Variants in SERPINE2 observed in about 807,000 individuals in gnomAD.
SERPINE2 encodes glia-derived nexin.
Under a neutral mutation model 36.3 loss-of-function variants are expected in SERPINE2, and 14 were observed. The ratio of observed to expected loss-of-function variants is 0.39; its 90% confidence interval spans 0.25 to 0.60. The LOEUF (loss-of-function observed/expected upper bound fraction) is 0.60, where lower values mean the gene tolerates loss of function less well. SERPINE2 is among the 20% of genes least tolerant of loss of function. The pLI is 0.57. For synonymous variants in SERPINE2, 192 were observed against 191.8 expected (o/e 1.00, Z -0.01); for missense variants, 418 against 499.6 (o/e 0.84, Z 1.56).
In SERPINE2 at chr2:223,975,673, C is replaced by T; in HGVS notation, c.*194G>A. ...CTATTCATTCCTCAGTACAGTGTTC[C>T]AGCCATCCTGCTTGTTTTTTCCCTC... On this transcript the variant is annotated 3_prime_UTR_variant, in exon 9 of 9. Coordinates refer to ENST00000409304, the MANE Select transcript of SERPINE2 (RefSeq NM_001136528.2). 1 of 491,858 alleles carries T rather than the reference C, an allele frequency of 2.0e-6. No homozygotes were observed. Among genetic ancestry groups the T allele is most frequent in the East Asian group, 2.9e-5 (1 of 34,696 alleles). 30.5% of individuals were successfully genotyped at this position (491,858 alleles called of 1,614,324 possible).
At chr2:223,981,739 A>G (rs765901381) in intron 6 of SERPINE2, 9 of 152,244 alleles carry the variant, frequency 5.9e-5, no homozygotes, top group Non-Finnish European at 8.8e-5. Flanking sequence ...CTGACCATTC[A>G]AACATAACTC....
At chr2:224,030,810 G>C in intron 1 of SERPINE2, 1 of 254,872 alleles carries the variant, frequency 3.9e-6, no homozygotes, top group Non-Finnish European at 6.2e-6. Context: ...ATTCTGCTGA[G>C]TTTTATCCAG....
At chr2:224,006,004 C>T (rs6436454) in intron 1 of SERPINE2, among the ~76,000 whole-genome samples, 102,910 of 151,674 alleles carry the variant, frequency 0.68, 35,409 homozygotes, top group Non-Finnish European at 0.74. Flanking sequence ...TATGAAATAG[C>T]TGGGTACTGC....
At chr2:223,981,692 G>A (rs1419519864) in intron 6 of SERPINE2, 1 of 152,170 alleles carries the variant, frequency 6.6e-6, no homozygotes, top group African/African-American at 2.4e-5. Context: ...CTTTTCCTTG[G>A]AAAGATTGCT....
rs1344744199 is a variant in SERPINE2 at position 223,984,901 on chromosome 2, G to A, written c.735C>T (p.Pro245=). ...GCATGCTGATGCTTTCCCCGTGGTA[G>A]GGCAGTTCAATGAAGTTGTACCATA... The part of the protein sequence containing the change: ...NDLWYNFIEL[P]YHGESISMLI... Residue 245 remains proline (P), a synonymous_variant, in exon 5 of 9, where the codon CCC becomes CCT. Coordinates refer to ENST00000409304, the MANE Select transcript of SERPINE2 (RefSeq NM_001136528.2). The A allele has an allele frequency of 3.7e-6, 6 of 1,614,050 alleles. No homozygotes were observed. The highest frequency in any genetic ancestry group is 2.7e-5 in the African/African-American group (2 of 74,920).
At chr2:224,016,730 G>A (rs1691811985) in intron 1 of SERPINE2, among the ~76,000 whole-genome samples, 1 of 152,138 alleles carries the variant, frequency 6.6e-6, no homozygotes, top group African/African-American at 2.4e-5. Flanking sequence ...CATCCCAGAT[G>A]TTCTTCAGTA....
At chr2:224,017,582 C>G (rs1691842812) in intron 1 of SERPINE2, among the ~76,000 whole-genome samples, 2 of 152,042 alleles carry the variant, frequency 1.3e-5, no homozygotes, top group South Asian at 4.1e-4. Flanking sequence ...ATACATGGCC[C>G]CTGCAGGTTC....
chr2:223,980,272 C>T (rs1385364454), intron 7 of SERPINE2, 39 bp downstream of exon 7: 1 of 1,520,554 alleles, frequency 6.6e-7, no homozygotes, highest in Non-Finnish European at 9.1e-7. Flanking sequence ...TGTTTGCTCC[C>T]CTGCTAGAGG....
intron 2 of SERPINE2, among the ~76,000 whole-genome samples, chr2:223,999,148 A>T (rs569743058): frequency 6.6e-6 from 1 of 152,344 alleles, no homozygotes; most frequent in Admixed American, 6.5e-5. Flanking sequence ...AGACTATAAA[A>T]AATTACCATG....
chr2:224,020,652 C>G (rs1483597959), intron 1 of SERPINE2, among the ~76,000 whole-genome samples: 3 of 152,188 alleles, frequency 2.0e-5, no homozygotes, highest in African/African-American at 7.2e-5. Flanking sequence ...CCCCACGAGT[C>G]ATTTAAATAA....
intron 1 of SERPINE2, among the ~76,000 whole-genome samples, chr2:224,027,340 A>C (rs77723049): frequency 0.03 from 4,501 of 152,222 alleles, 181 homozygotes; most frequent in African/African-American, 0.088. Flanking sequence ...TTCCTGGCCC[A>C]TGGCTCGCAT....
intron 1 of SERPINE2, among the ~76,000 whole-genome samples, chr2:224,028,293 T>C (rs1692250343): frequency 6.6e-6 from 1 of 152,226 alleles, no homozygotes; most frequent in Non-Finnish European, 1.5e-5. Context: ...CTGTGATCTT[T>C]CTCTGCAAGG....
intron 4 of SERPINE2, among the ~76,000 whole-genome samples, chr2:223,990,247 G>A (rs908696684): frequency 6.6e-6 from 1 of 152,166 alleles, no homozygotes; most frequent in Non-Finnish European, 1.5e-5. Flanking sequence ...CGGGGAAAGT[G>A]GAGGGAAGAT....
At chr2:224,002,450 C>T (rs1691218110) in intron 1 of SERPINE2, among the ~76,000 whole-genome samples, 1 of 151,948 alleles carries the variant, frequency 6.6e-6, no homozygotes, top group Non-Finnish European at 1.5e-5. Context: ...TACAATGTGC[C>T]AGGTCCTATA....
chr2:224,011,449 G>A (rs560986184), intron 1 of SERPINE2, among the ~76,000 whole-genome samples: 6 of 152,162 alleles, frequency 3.9e-5, no homozygotes, highest in Admixed American at 2.6e-4. Flanking sequence ...CTTTTTATCA[G>A]TACCTAGATA....
chr2:223,995,364 C>A, intron 3 of SERPINE2, among the ~76,000 whole-genome samples: 1 of 152,188 alleles, frequency 6.6e-6, no homozygotes, highest in South Asian at 2.1e-4. Flanking sequence ...TCAGTGGGGG[C>A]AGTTCACCCC....
intron 1 of SERPINE2, among the ~76,000 whole-genome samples, chr2:224,002,553 C>T (rs1420419536): frequency 2.0e-5 from 3 of 150,706 alleles, no homozygotes; most frequent in East Asian, 2.0e-4. Context: ...AGTGCAGTGG[C>T]GCAATCTCGG....
At chr2:223,998,082 T>C (rs774204847) in intron 3 of SERPINE2, 33 bp downstream of exon 3, 4 of 1,540,746 alleles carry the variant, frequency 2.6e-6, no homozygotes, top group Non-Finnish European at 3.6e-6. Context: ...ATTCACAAAC[T>C]ATGCAATCAA....
intron 3 of SERPINE2, among the ~76,000 whole-genome samples, chr2:223,994,960 G>C (rs1031048742): frequency 6.6e-6 from 1 of 152,206 alleles, no homozygotes; most frequent in Non-Finnish European, 1.5e-5. Context: ...TGGCAGAACC[G>C]AGATTCAAAC....
Sources: allele counts gnomAD v4.1 joint callset (sites outside exome capture counted in the v4.1 genomes callset), GRCh38; gene constraint gnomAD v4.1.1; transcripts MANE v1.5; gene names NCBI Gene and HGNC (gene_info 2026-07-23, HGNC 2026-07-21).